The following NUP153 variants were observed in gnomAD, a reference collection of about 807,000 sequenced individuals.
NUP153 encodes nucleoporin 153, also known as nuclear pore complex protein Nup153.
Under a neutral mutation model 134.6 loss-of-function variants are expected in NUP153, and 27 were observed. The observed-to-expected ratio is 0.20, with a 90% CI of 0.15 to 0.28. NUP153 has a LOEUF of 0.28. Ranked by LOEUF, NUP153 falls within the 10% of genes least tolerant of loss-of-function variation. The probability of loss-of-function intolerance (pLI) is 1.00; values close to 1 mark genes in which losing one functional copy is unlikely to be tolerated. For missense variants in NUP153, 1,821 were observed against 1,731.3 expected (o/e 1.05, Z -0.92); for synonymous variants, 640 against 623.5 (o/e 1.03, Z -0.40).
rs369703642 is a variant in NUP153, at chr6:17,646,184, C to A, written c.1633-30G>T. The A allele has an allele frequency of 1.9e-5, 23 of 1,186,722 alleles. No homozygotes were observed. The African/African-American group carries it at 3.2e-4, about 16-fold the overall frequency. The allele number at this position is 1,186,722 out of a possible 1,614,324, so 73.5% of individuals were successfully genotyped here. ...AAAGAGAAAGAATATCCTTATACTT[C>A]GTTTTCAATAAGTATCAAATATAGA... On this transcript the variant is annotated intron_variant, in intron 13 of 21. Transcript: ENST00000262077.
intron 5 of NUP153, among the ~76,000 whole-genome samples, chr6:17,674,263 AAT>A (rs1418382808): frequency 3.3e-5 from 5 of 152,288 alleles, no homozygotes; most frequent in Admixed American, 3.3e-4. Context: ...TATACATAAT[AAT>A]ATGTTTTGTT....
Position 17,688,550 on chromosome 6 carries a change from G to T in NUP153, c.180C>A (p.Asn60Lys), listed in dbSNP as rs1480607473. 3 of 1,614,050 alleles carry T rather than the reference G, an allele frequency of 1.9e-6. No homozygotes were observed. Among genetic ancestry groups the T allele is most frequent in the East Asian group, 2.2e-5 (1 of 44,882 alleles). Residue 60 changes from asparagine (N) to lysine (K), a missense_variant, in exon 2 of 22, where the codon AAC becomes AAA. Transcript: ENST00000262077. Reference sequence around the variant, plus strand: ...AACAGCTGCATACATCTTCATTCTTGTTGAAGTATCTTTGTAGCCACCCTG... The same window carrying T: ...AACAGCTGCATACATCTTCATTCTTTTTGAAGTATCTTTGTAGCCACCCTG... Reference protein sequence around the residue: ...IVPGWLQRYFNKNEDVCSCST... With the variant: ...IVPGWLQRYFKKNEDVCSCST...
intron 2 of NUP153, among the ~76,000 whole-genome samples, chr6:17,684,490 T>C (rs1482756319): frequency 6.6e-6 from 1 of 152,250 alleles, no homozygotes; most frequent in East Asian, 1.9e-4. Flanking sequence ...GGGAATTTTG[T>C]AGCTAGTTTG....
In NUP153 at chr6:17,688,422, G is replaced by C; in HGVS notation, c.308C>G (p.Pro103Arg). The C allele has an allele frequency of 6.2e-7, 1 of 1,613,746 alleles. No homozygotes were observed. The highest frequency in any genetic ancestry group is 8.5e-7 in the Non-Finnish European group (1 of 1,179,666). ...TTCTGTATTACTGACTGCTGGCTCA[G>C]GTGTGATTCTCCCATCAGTAATATT... ...SSNITDGRIT[P>R]EPAVSNTEEP... The change falls in exon 2 of 22, where the codon CCT becomes CGT. Residue 103 changes from proline (P) to arginine (R), a missense_variant. Transcript: ENST00000262077.
intron 16 of NUP153, among the ~76,000 whole-genome samples, chr6:17,633,623 A>G (rs1429851995): frequency 1.3e-5 from 2 of 152,222 alleles, no homozygotes; most frequent in South Asian, 2.1e-4. Context: ...AAGAGGCAGG[A>G]AAAGGATACA....
chr6:17,660,117 T>C (rs576653269), intron 11 of NUP153, among the ~76,000 whole-genome samples: 19 of 152,260 alleles, frequency 1.2e-4, no homozygotes, highest in African/African-American at 3.4e-4. Context: ...AGGAAAAGCA[T>C]AGTTAAAAGG....
intron 14 of NUP153, among the ~76,000 whole-genome samples, chr6:17,645,295 ATTTC>A (rs992777457): frequency 1.7e-4 from 25 of 150,156 alleles, no homozygotes; most frequent in Middle Eastern, 3.4e-3. Context: ...TTATTCATTC[ATTTC>A]TTTCTTTTTT....
chr6:17,699,845 AAAAGT>A (rs752093266), intron 1 of NUP153, among the ~76,000 whole-genome samples: 28 of 152,314 alleles, frequency 1.8e-4, no homozygotes, highest in Non-Finnish European at 3.2e-4. Flanking sequence ...AAAAAAAAAG[AAAAGT>A]AAACAGTTTT....
intron 1 of NUP153, among the ~76,000 whole-genome samples, chr6:17,702,164 G>A (rs1008104729): frequency 6.6e-6 from 1 of 152,140 alleles, no homozygotes; most frequent in Non-Finnish European, 1.5e-5. Flanking sequence ...AGGAAGACAG[G>A]AACTAACCAC....
At chr6:17,643,914 A>C (rs1437631461) in intron 14 of NUP153, among the ~76,000 whole-genome samples, 1 of 152,242 alleles carries the variant, frequency 6.6e-6, no homozygotes, top group African/African-American at 2.4e-5. Context: ...CCTCATAATA[A>C]GTCATGAAAT....
chr6:17,616,965 T>C (rs1764366112), intron 20 of NUP153, among the ~76,000 whole-genome samples: 1 of 152,208 alleles, frequency 6.6e-6, no homozygotes, highest in African/African-American at 2.4e-5. Context: ...TTGGCCAGGA[T>C]GGTCTCGATC....
At position 17,706,641 on chromosome 6, in the gene NUP153, C is replaced by A. The variant is rs1770521224; in HGVS notation, c.-254G>T. 9.0e-6 allele frequency: 5 copies of A among 553,448 alleles called. No homozygotes were observed. In the South Asian group the frequency reaches 1.0e-4, roughly 11 times the overall value. The allele number at this position is 553,448 out of a possible 1,614,324, so 34.3% of individuals were successfully genotyped here. On this transcript the variant is annotated 5_prime_UTR_variant, in exon 1 of 22. Transcript: ENST00000262077. The surrounding 1 kb of genome is among the most constrained non-coding windows in gnomAD (Gnocchi z 5.9). ...GCTCCGGTCCGGCCGCCTCTGCGGA[C>A]CCCCGCCTCTGTGTGTGTCACGGTC...
intron 16 of NUP153, among the ~76,000 whole-genome samples, chr6:17,635,837 T>C (rs766577569): frequency 1.3e-5 from 2 of 152,252 alleles, no homozygotes; most frequent in African/African-American, 4.8e-5. Context: ...CTGAAAATGA[T>C]GGTTCATCAT....
At position 17,632,585 on chromosome 6, in the gene NUP153, A is replaced by AT. The variant is rs143157905; in HGVS notation, c.2659+64dup. 1,048 of 1,262,952 alleles carry AT rather than the reference A, an allele frequency of 8.3e-4. 9 individuals are homozygous for AT. The African/African-American group carries it at 0.014, about 17-fold the overall frequency. The allele number at this position is 1,262,952 out of a possible 1,614,324, so 78.2% of individuals were successfully genotyped here. A position where few individuals can be genotyped will look rare whatever the true frequency, so the allele number is the denominator to read the frequency against. ...CACTGAAGCTGTTCTCAAATACTTC[A>AT]TTTTTAAATGGCCTTACAAAAAGGC... is the stretch of plus-strand genomic sequence containing the variant. On this transcript the variant is annotated intron_variant, in intron 17 of 21. Coordinates refer to ENST00000262077, the MANE Select transcript of NUP153 (RefSeq NM_005124.4).
chr6:17,616,612 T>C lies in NUP153; in HGVS notation c.4258A>G (p.Asn1420Asp), dbSNP rs1382271349. 18 of 1,614,174 alleles carry C rather than the reference T, an allele frequency of 1.1e-5. No individual in the cohort carries two copies. The highest frequency in any genetic ancestry group is 6.7e-5 in the Admixed American group (4 of 60,018). Residue 1420 changes from asparagine to aspartate, a missense_variant, in exon 21 of 22, where the codon AAT (asparagine) becomes GAT (aspartate). Coordinates refer to ENST00000262077, the MANE Select transcript of NUP153 (RefSeq NM_005124.4). ...SPSGVFTFGA[N>D]SSTPAASAQP... Reference sequence around the variant, plus strand: ...GCTGAGGCTGCAGGTGTGCTAGAATTTGCACCAAATGTGAACACTCCTGAT... The same window carrying C: ...GCTGAGGCTGCAGGTGTGCTAGAATCTGCACCAAATGTGAACACTCCTGAT...
intron 12 of NUP153, among the ~76,000 whole-genome samples, chr6:17,648,801 T>TA (rs1766351296): frequency 9.0e-6 from 1 of 111,170 alleles, no homozygotes; most frequent in Non-Finnish European, 2.0e-5. Flanking sequence ...AGACACCATC[T>TA]CAAAAAAAAA....
At position 17,638,426 on chromosome 6, in the gene NUP153, A is replaced by G. The variant is rs1177903621; in HGVS notation, c.1847-656T>C. 1.3e-5 allele frequency among the ~76,000 whole-genome samples: 2 copies of G among 152,232 alleles called. No individual in the cohort carries two copies. The highest frequency in any genetic ancestry group is 1.9e-4 in the East Asian group (1 of 5,204). On this transcript the variant is annotated intron_variant, in intron 15 of 21. Transcript: ENST00000262077. This position sits in a 1 kb window ranked among gnomAD's most constrained non-coding sequence, Gnocchi z 4.0. ...CCAGCCTTACCCGCCAAAGAAAAAG[A>G]AATTAAAAGGAGAGAAGATGTAGAA...
At chr6:17,665,505 G>A (rs1287784376) in intron 8 of NUP153, 120 bp from the exon 9 acceptor site, 2 of 720,366 alleles carry the variant, frequency 2.8e-6, no homozygotes, top group African/African-American at 3.6e-5. Context: ...GAAATATACA[G>A]TAGATACAAA....
chr6:17,696,431 C>T (rs1156496640), intron 1 of NUP153, among the ~76,000 whole-genome samples: 1 of 152,102 alleles, frequency 6.6e-6, no homozygotes, highest in African/African-American at 2.4e-5. Context: ...GGGAAATAAG[C>T]TTTCTGTATG....
Sources: gnomAD v4.1 joint callset for allele counts (sites outside exome capture counted in the v4.1 genomes callset) on GRCh38, gnomAD v4.1.1 for gene constraint, Gnocchi (gnomAD v3.1) non-coding constraint, MANE v1.5 for transcripts, NCBI Gene and HGNC (gene_info 2026-07-23, HGNC 2026-07-21) for gene names.